Variants in GABBR2 observed in about 807,000 individuals in gnomAD.
The protein encoded by GABBR2 is G-protein coupled receptor 51.
Under a neutral mutation model 105.6 loss-of-function variants are expected in GABBR2, and 23 were observed. The observed-to-expected ratio is 0.22, with a 90% CI of 0.16 to 0.31. The LOEUF is 0.31. GABBR2 is among the 10% of genes least tolerant of loss of function. The pLI is 1.00. For synonymous variants in GABBR2, 478 were observed against 499.7 expected, an observed-to-expected ratio of 0.96 and a Z score of 0.58; for missense variants, 734 against 1,245.5, an observed-to-expected ratio of 0.59 and a Z score of 6.18.
intron 5 of GABBR2, among the ~76,000 whole-genome samples, chr9:98,475,952 T>C (rs1407539940): frequency 2.0e-5 from 3 of 152,136 alleles, no homozygotes; most frequent in Non-Finnish European, 4.4e-5. Context: ...TAATCCCAGC[T>C]ACTCAGGAGG....
At chr9:98,384,258 AAAGT>A (rs1832032002) in intron 11 of GABBR2, among the ~76,000 whole-genome samples, 2 of 152,198 alleles carry the variant, frequency 1.3e-5, no homozygotes, top group Non-Finnish European at 2.9e-5. Flanking sequence ...TTATTCTTAA[AAAGT>A]AAGTTCATGA....
At chr9:98,694,398 T>C (rs1830723437) in intron 1 of GABBR2, among the ~76,000 whole-genome samples, 1 of 152,192 alleles carries the variant, frequency 6.6e-6, no homozygotes, top group African/African-American at 2.4e-5. Context: ...AGATGATTGG[T>C]TTTTGAAGAC....
chr9:98,389,443 C>T (rs1832139494), intron 9 of GABBR2, among the ~76,000 whole-genome samples: 2 of 152,202 alleles, frequency 1.3e-5, no homozygotes, highest in African/African-American at 4.8e-5. Flanking sequence ...GATCCCTCCT[C>T]AACAGGATGG....
rs117169699 is a variant in GABBR2, at chr9:98,328,426, G to A, written c.1894-17221C>T. ...ACTAATTGAAAGCCATGTGTTTACCGAGGCTCAAAGAATCCCTTTTAGAAA... is the reference window on the plus strand; with the variant it reads ...ACTAATTGAAAGCCATGTGTTTACCAAGGCTCAAAGAATCCCTTTTAGAAA... On this transcript the variant is annotated intron_variant, in intron 13 of 18. Transcript: ENST00000259455. 9.3e-3 allele frequency among the ~76,000 whole-genome samples: 1,422 copies of A among 152,290 alleles called. 59 individuals carry two copies. Among genetic ancestry groups the A allele is most frequent in the Admixed American group, 0.069 (1,057 of 15,294 alleles).
At chr9:98,426,920 T>A (rs1825703976) in intron 7 of GABBR2, among the ~76,000 whole-genome samples, 5 of 152,190 alleles carry the variant, frequency 3.3e-5, no homozygotes, top group Non-Finnish European at 7.4e-5. Flanking sequence ...CGAGAATTGC[T>A]TGAGCCGGGG....
In GABBR2 at chr9:98,560,817, T is replaced by A. The variant is rs546829111; in HGVS notation, c.459+17118A>T. Among the ~76,000 whole-genome samples the A allele has an allele frequency of 4.7e-5, 7 of 149,246 alleles. No individual in the cohort carries two copies. In the South Asian group the frequency reaches 1.5e-3, roughly 31 times the overall value. On this transcript the variant is annotated intron_variant, in intron 2 of 18. Coordinates refer to ENST00000259455, the MANE Select transcript of GABBR2 (RefSeq NM_005458.8). ...ATATATACATAGACACACATATACA[T>A]ATATGCACACACATACACTTAATGA...
At chr9:98,340,363 C>T (rs1831190159) in intron 13 of GABBR2, among the ~76,000 whole-genome samples, 1 of 151,982 alleles carries the variant, frequency 6.6e-6, no homozygotes, top group African/African-American at 2.4e-5. Flanking sequence ...TGTTTGGAGG[C>T]AAATGTCATC....
At position 98,526,721 on chromosome 9, in the gene GABBR2, G is replaced by A. The variant is rs1378739286; in HGVS notation, c.630+15152C>T. Among the ~76,000 whole-genome samples, 2 of 152,114 alleles carry A rather than the reference G, an allele frequency of 1.3e-5. 1 individual carries two copies. Among genetic ancestry groups the A allele is most frequent in the East Asian group, 3.9e-4 (2 of 5,190 alleles). The stretch of plus-strand genomic sequence containing the variant: ...CACAAGCTAGGCACTCAATACATAT[G>A]TCTTAAATGAATGAATGTATTACCA... On this transcript the variant is annotated intron_variant, in intron 3 of 18. Transcript: ENST00000259455.
At chr9:98,642,267 G>A (rs574852130) in intron 1 of GABBR2, among the ~76,000 whole-genome samples, 4 of 152,160 alleles carry the variant, frequency 2.6e-5, no homozygotes, top group East Asian at 3.9e-4. Context: ...CAGTCTCCTC[G>A]TCCAATTAGC....
chr9:98,698,012 A>C (rs763721865), intron 1 of GABBR2, among the ~76,000 whole-genome samples: 5 of 152,266 alleles, frequency 3.3e-5, no homozygotes, highest in South Asian at 2.1e-4. Context: ...GATGATTATT[A>C]TAAGTATGGC....
Position 98,598,350 on chromosome 9 carries a change from G to A in GABBR2, c.322-20278C>T, listed in dbSNP as rs368003188. On this transcript the variant is annotated intron_variant, in intron 1 of 18. Coordinates refer to ENST00000259455, the MANE Select transcript of GABBR2 (RefSeq NM_005458.8). ...CAGGTAGAAAGTATGAGATTCATAC[G>A]CCACACCCATTGCATCCTCCACACT... 4.8e-4 allele frequency among the ~76,000 whole-genome samples: 73 copies of A among 152,186 alleles called. 3 individuals carry two copies. The South Asian group carries it at 0.015, about 31-fold the overall frequency.
intron 4 of GABBR2, among the ~76,000 whole-genome samples, chr9:98,495,644 C>T (rs1025782127): frequency 2.0e-5 from 3 of 152,200 alleles, no homozygotes; most frequent in Non-Finnish European, 2.9e-5. Context: ...GGCTACCCTA[C>T]CCTCTGATCT....
At chr9:98,637,708 C>T (rs1829899223) in intron 1 of GABBR2, among the ~76,000 whole-genome samples, 1 of 152,056 alleles carries the variant, frequency 6.6e-6, no homozygotes, top group African/African-American at 2.4e-5. Flanking sequence ...CTTCTAGAAG[C>T]TGGAAAAGGC....
chr9:98,507,828 T>C (rs886980973), intron 3 of GABBR2, among the ~76,000 whole-genome samples: 1 of 152,202 alleles, frequency 6.6e-6, no homozygotes, highest in Non-Finnish European at 1.5e-5. Context: ...CCCCTCCAGA[T>C]GCCTAGCACA....
chr9:98,428,493 G>C (rs1825739037), intron 7 of GABBR2, among the ~76,000 whole-genome samples: 1 of 152,178 alleles, frequency 6.6e-6, no homozygotes, highest in Admixed American at 6.5e-5. Context: ...CAGCCTCCTA[G>C]AGCACCAGAG....
intron 13 of GABBR2, among the ~76,000 whole-genome samples, chr9:98,349,344 GTTTTGTTTTTTTTTTT>G (rs368561769): frequency 0.58 from 60,659 of 105,072 alleles, 17,854 homozygotes; most frequent in Admixed American, 0.69. Flanking sequence ...TTTTGTTGAA[GTTTTGTTTTTTTTTTT>G]TTTTTTTTTT....
At chr9:98,430,742 C>T (rs1825793321) in intron 7 of GABBR2, among the ~76,000 whole-genome samples, 1 of 152,092 alleles carries the variant, frequency 6.6e-6, no homozygotes, top group Non-Finnish European at 1.5e-5. Context: ...TCTGAATTCT[C>T]ATCTCTGTCT....
chr9:98,349,120 ATT>A lies in GABBR2; in HGVS notation c.1893+13593_1893+13594del, dbSNP rs35043735. Among the ~76,000 whole-genome samples, 589 of 151,772 alleles carry A rather than the reference ATT, an allele frequency of 3.9e-3. 2 individuals are homozygous for A. The highest frequency in any genetic ancestry group is 0.012 in the African/African-American group (483 of 41,322). On this transcript the variant is annotated intron_variant, in intron 13 of 18. Coordinates refer to ENST00000259455, the MANE Select transcript of GABBR2 (RefSeq NM_005458.8). ...GTTTCTTCTATGCCTAATTTGTTGA[ATT>A]TTTTTTTATCATGAAGGGATGTTGA...
chr9:98,604,911 A>C (rs1829391151), intron 1 of GABBR2, among the ~76,000 whole-genome samples: 1 of 152,186 alleles, frequency 6.6e-6, no homozygotes, highest in Non-Finnish European at 1.5e-5. Context: ...GGAGTCAATC[A>C]TTCTTTCCCT....
Sources: allele counts gnomAD v4.1 joint callset (sites outside exome capture counted in the v4.1 genomes callset), GRCh38; gene constraint gnomAD v4.1.1; transcripts MANE v1.5; gene names NCBI Gene and HGNC (gene_info 2026-07-23, HGNC 2026-07-21).